The following MDFIC2 variants were observed in gnomAD, a reference collection of about 807,000 sequenced individuals.
MDFIC2 encodes the protein MyoD family inhibitor domain containing 2, also known as myoD family inhibitor domain-containing protein 2.
chr3:70,201,583 A>C (rs992166937), intron 3 of MDFIC2, among the ~76,000 whole-genome samples: 2 of 152,132 alleles, frequency 1.3e-5, no homozygotes, highest in African/African-American at 4.8e-5. Flanking sequence ...GAGGAAACTG[A>C]GGCAAAGAGT....
At chr3:70,280,234 C>T (rs1041376316) in intron 2 of MDFIC2, among the ~76,000 whole-genome samples, 24 of 152,124 alleles carry the variant, frequency 1.6e-4, no homozygotes, top group African/African-American at 5.8e-4. Context: ...CTCCTCCTCT[C>T]CCTTAAAAAG....
At chr3:70,290,522 T>A (rs1355412968) in intron 2 of MDFIC2, among the ~76,000 whole-genome samples, 9 of 152,240 alleles carry the variant, frequency 5.9e-5, no homozygotes, top group Admixed American at 2.6e-4. Context: ...TGTTTGTCTG[T>A]GCCCTGCCCC....
intron 2 of MDFIC2, among the ~76,000 whole-genome samples, chr3:70,229,043 T>C (rs1223526321): frequency 1.3e-5 from 2 of 152,184 alleles, no homozygotes; most frequent in African/African-American, 4.8e-5. Flanking sequence ...CCACTTAGCC[T>C]CCACAGCTAA....
chr3:70,223,256 G>C (rs549764560), intron 2 of MDFIC2, among the ~76,000 whole-genome samples: 11 of 152,102 alleles, frequency 7.2e-5, no homozygotes, highest in Admixed American at 7.2e-4. Context: ...TCGAAACTCA[G>C]AGAGATGAAG....
chr3:70,273,830 T>C (rs982268830), intron 2 of MDFIC2, among the ~76,000 whole-genome samples: 5 of 151,974 alleles, frequency 3.3e-5, no homozygotes, highest in Non-Finnish European at 7.4e-5. Context: ...CAAGGCAGAG[T>C]CTCACTTTAT....
At chr3:70,271,314 G>A (rs1465371873) in intron 2 of MDFIC2, among the ~76,000 whole-genome samples, 1 of 152,074 alleles carries the variant, frequency 6.6e-6, no homozygotes, top group Non-Finnish European at 1.5e-5. Context: ...GAGTAAACTG[G>A]AGAGCATTAT....
At chr3:70,239,439 G>A (rs1284442036) in intron 2 of MDFIC2, among the ~76,000 whole-genome samples, 1 of 152,142 alleles carries the variant, frequency 6.6e-6, no homozygotes, top group Non-Finnish European at 1.5e-5. Flanking sequence ...TGTTCCCAAA[G>A]AGAACATTTC....
intron 2 of MDFIC2, among the ~76,000 whole-genome samples, chr3:70,216,385 A>G (rs1396135549): frequency 6.6e-6 from 1 of 151,766 alleles, no homozygotes; most frequent in Non-Finnish European, 1.5e-5. Flanking sequence ...AGTTTTGCAT[A>G]TATTAACCCA....
At chr3:70,217,808 G>C (rs964387467) in intron 2 of MDFIC2, among the ~76,000 whole-genome samples, 4 of 152,118 alleles carry the variant, frequency 2.6e-5, no homozygotes, top group Non-Finnish European at 5.9e-5. Context: ...TATTTAGCTA[G>C]TTCTGTCTCT....
chr3:70,223,652 AT>A (rs968431328), intron 2 of MDFIC2, among the ~76,000 whole-genome samples: 3 of 152,132 alleles, frequency 2.0e-5, no homozygotes, highest in African/African-American at 7.2e-5. Context: ...TCACAGGTTC[AT>A]TCCCAAGACT....
At chr3:70,226,110 C>T (rs114960714) in intron 2 of MDFIC2, among the ~76,000 whole-genome samples, 1 of 152,120 alleles carries the variant, frequency 6.6e-6, no homozygotes, top group East Asian at 1.9e-4. Flanking sequence ...TCAGAAAACA[C>T]ATACAACATC....
At chr3:70,290,668 G>C (rs984264075) in intron 2 of MDFIC2, among the ~76,000 whole-genome samples, 10 of 152,134 alleles carry the variant, frequency 6.6e-5, no homozygotes, top group Non-Finnish European at 1.5e-4. Context: ...CCTCGCTGCC[G>C]CCTTGCAGTT....
chr3:70,245,137 T>C (rs1427047629), intron 2 of MDFIC2, among the ~76,000 whole-genome samples: 5 of 152,158 alleles, frequency 3.3e-5, no homozygotes, highest in Non-Finnish European at 7.4e-5. Context: ...CTATTTTAAA[T>C]CATTCATTTA....
At chr3:70,300,625 AAAG>A (rs1702337879) in intron 2 of MDFIC2, among the ~76,000 whole-genome samples, 1 of 152,110 alleles carries the variant, frequency 6.6e-6, no homozygotes, top group South Asian at 2.1e-4. Context: ...TCTAAAATAA[AAAG>A]AACTAGTTAT....
chr3:70,206,739 A>C lies in MDFIC2; in HGVS notation c.140T>G (p.Ile47Ser), dbSNP rs1375185960. ...GAAGTCAGATACTGAATTTATAACA[A>C]TAGCATTAATGGGTTTCTCATCTGC... ...KHADEKPINA[I>S]VINSVSDFNI... Residue 47 changes from isoleucine to serine, a missense_variant, in exon 3 of 4, where the codon ATT becomes AGT. Coordinates refer to ENST00000567252, the MANE Select transcript of MDFIC2 (RefSeq NM_001364677.1). The C allele has an allele frequency of 1.8e-5, 7 of 397,752 alleles. No individual in the cohort carries two copies. The highest frequency in any genetic ancestry group is 3.1e-5 in the Non-Finnish European group (7 of 225,554). 24.6% of individuals were successfully genotyped at this position (397,752 alleles called of 1,614,324 possible).
chr3:70,312,006 T>C (rs187943474), intron 1 of MDFIC2, 33 bp from the exon 2 acceptor site: 431 of 397,480 alleles, frequency 1.1e-3, no homozygotes, highest in Non-Finnish European at 9.0e-4. Context: ...ATATAAAAAA[T>C]TCATTAAGAA....
intron 2 of MDFIC2, among the ~76,000 whole-genome samples, chr3:70,273,545 G>A (rs1701994541): frequency 6.6e-6 from 1 of 152,080 alleles, no homozygotes; most frequent in Non-Finnish European, 1.5e-5. Context: ...AAAAGGTCAA[G>A]CCTAGTGAAA....
chr3:70,264,645 T>C (rs1352147462), intron 2 of MDFIC2, among the ~76,000 whole-genome samples: 6 of 152,358 alleles, frequency 3.9e-5, no homozygotes, highest in Middle Eastern at 3.4e-3. Context: ...ACTGAAAGTA[T>C]GCCATTTACT....
At chr3:70,286,728 A>G (rs1184029834) in intron 2 of MDFIC2, among the ~76,000 whole-genome samples, 1 of 151,856 alleles carries the variant, frequency 6.6e-6, no homozygotes, top group Non-Finnish European at 1.5e-5. Context: ...ATCCTCTTTT[A>G]TTTCCTTGAG....
Sources: gnomAD v4.1 joint callset for allele counts (sites outside exome capture counted in the v4.1 genomes callset) on GRCh38, gnomAD v4.1.1 for gene constraint, MANE v1.5 for transcripts, NCBI Gene and HGNC (gene_info 2026-07-23, HGNC 2026-07-21) for gene names.